GPC5: variants seen among roughly 807,000 people sequenced by gnomAD.
The protein encoded by GPC5 is glypican 5.
In GPC5, 47 loss-of-function variants were observed where a neutral mutation model predicts 53.9. The ratio of observed to expected loss-of-function variants is 0.87; its 90% CI spans 0.69 to 1.11. The LOEUF (loss-of-function observed/expected upper bound fraction) is 1.11, where lower values mean the gene tolerates loss of function less well. Among genes scored for constraint, GPC5 ranks in the 50% most tolerant of loss-of-function variants. The probability of loss-of-function intolerance (pLI) is 0.00; values close to 1 mark genes in which losing one functional copy is unlikely to be tolerated. For missense variants in GPC5, 748 were observed against 713.1 expected, an observed-to-expected ratio of 1.05 and a Z score of -0.56; for synonymous variants, 286 against 263.3, an observed-to-expected ratio of 1.09 and a Z score of -0.84.
intron 2 of GPC5, among the ~76,000 whole-genome samples, chr13:91,615,720 G>T (rs1216172198): frequency 6.6e-6 from 1 of 152,134 alleles, no homozygotes; most frequent in Non-Finnish European, 1.5e-5. Context: ...TAGGCACAGA[G>T]AATTTCCCAT....
intron 7 of GPC5, among the ~76,000 whole-genome samples, chr13:92,145,542 CTCA>C (rs923673682): frequency 2.2e-4 from 33 of 150,930 alleles, no homozygotes; most frequent in African/African-American, 7.3e-4. Context: ...CATTTCAGAA[CTCA>C]TCGCTACCAC....
chr13:91,616,276 T>A (rs1201178663), intron 2 of GPC5, among the ~76,000 whole-genome samples: 1 of 152,062 alleles, frequency 6.6e-6, no homozygotes, highest in Non-Finnish European at 1.5e-5. Flanking sequence ...AACAGATCTC[T>A]TATGAACTAT....
chr13:91,878,515 C>T (rs368916758), intron 5 of GPC5, among the ~76,000 whole-genome samples: 3 of 152,048 alleles, frequency 2.0e-5, no homozygotes, highest in Non-Finnish European at 1.5e-5. Flanking sequence ...GGTTTGGCTG[C>T]GTCTCCCACC....
chr13:92,240,788 G>A (rs1425346497), intron 7 of GPC5: 1 of 152,174 alleles, frequency 6.6e-6, no homozygotes, highest in Admixed American at 6.6e-5. Flanking sequence ...ACAGATGTGA[G>A]TCACCATGCC....
At chr13:91,422,128 C>T (rs148557058) in intron 1 of GPC5, among the ~76,000 whole-genome samples, 141 of 152,310 alleles carry the variant, frequency 9.3e-4, no homozygotes, top group African/African-American at 3.3e-3. Context: ...CTTTCTAGGC[C>T]TAGAAGCTGA....
chr13:92,537,541 T>C (rs1009161518), intron 7 of GPC5, among the ~76,000 whole-genome samples: 1 of 152,154 alleles, frequency 6.6e-6, no homozygotes, highest in African/African-American at 2.4e-5. Flanking sequence ...TATGTTCATG[T>C]CACTAGCTTC....
intron 7 of GPC5, among the ~76,000 whole-genome samples, chr13:92,348,016 TAAAA>T (rs554346564): frequency 2.2e-5 from 2 of 91,502 alleles, no homozygotes; most frequent in East Asian, 5.5e-4. Flanking sequence ...TACCACTTCT[TAAAA>T]AAAAAAAAAT....
At chr13:91,490,416 C>G (rs1883878368) in intron 2 of GPC5, among the ~76,000 whole-genome samples, 1 of 152,094 alleles carries the variant, frequency 6.6e-6, no homozygotes, top group Non-Finnish European at 1.5e-5. Flanking sequence ...GTTAAATAGA[C>G]AGATGGTAGA....
At chr13:92,207,641 T>C (rs2042346989) in intron 7 of GPC5, among the ~76,000 whole-genome samples, 1 of 152,228 alleles carries the variant, frequency 6.6e-6, no homozygotes, top group African/African-American at 2.4e-5. Context: ...TAGAGACATA[T>C]AATCCAGCCC....
rs375958506 is a variant in GPC5, at chr13:92,250,464, G to T, written c.1561+105475G>T. On this transcript the variant is annotated intron_variant, in intron 7 of 7. Coordinates refer to ENST00000377067, the MANE Select transcript of GPC5 (RefSeq NM_004466.6). ...GCATACAGTGCTCTTTTCACCATGT[G>T]TTTGAGTTGAGCAGAGTTCATGTAC... Among the ~76,000 whole-genome samples the T allele has an allele frequency of 1.7e-4, 26 of 152,212 alleles. 3 individuals carry two copies. Among genetic ancestry groups the T allele is most frequent in the African/African-American group, 6.0e-4 (25 of 41,562 alleles).
chr13:92,380,035 T>G (rs1057001785), intron 7 of GPC5, among the ~76,000 whole-genome samples: 12 of 152,338 alleles, frequency 7.9e-5, no homozygotes, highest in African/African-American at 2.6e-4. Flanking sequence ...AAACCACAAT[T>G]ACTTTTATGC....
intron 2 of GPC5, among the ~76,000 whole-genome samples, chr13:91,502,739 CA>C (rs1283324777): frequency 6.6e-6 from 1 of 152,212 alleles, no homozygotes; most frequent in South Asian, 2.1e-4. Flanking sequence ...TATAGCATGG[CA>C]GGTAATGTGC....
intron 2 of GPC5, among the ~76,000 whole-genome samples, chr13:91,527,147 C>T (rs1886124249): frequency 6.6e-6 from 1 of 152,126 alleles, no homozygotes; most frequent in African/African-American, 2.4e-5. Context: ...TAACTTATTC[C>T]AGCATTAACT....
intron 7 of GPC5, among the ~76,000 whole-genome samples, chr13:92,550,454 A>T (rs1021466375): frequency 1.3e-5 from 2 of 151,934 alleles, no homozygotes; most frequent in South Asian, 2.1e-4. Context: ...GTGAGACTAT[A>T]AATTAATTTT....
At chr13:91,861,868 A>G (rs2039033516) in intron 5 of GPC5, among the ~76,000 whole-genome samples, 2 of 151,214 alleles carry the variant, frequency 1.3e-5, no homozygotes, top group Admixed American at 6.6e-5. Flanking sequence ...GTAATTATCA[A>G]TTTATAGTTA....
At position 92,251,685 on chromosome 13, in the gene GPC5, G is replaced by A. The variant is rs185859574; in HGVS notation, c.1561+106696G>A. Among the ~76,000 whole-genome samples the A allele has an allele frequency of 3.3e-3, 504 of 152,224 alleles. 5 individuals are homozygous for A. The highest frequency in any genetic ancestry group is 0.012 in the African/African-American group (478 of 41,558). On this transcript the variant is annotated intron_variant, in intron 7 of 7. Coordinates refer to ENST00000377067, the MANE Select transcript of GPC5 (RefSeq NM_004466.6). The stretch of plus-strand genomic sequence containing the variant: ...GCCTAGCACATACAAGACCCTGAAT[G>A]ACAATGTCTTTTTCCTTTTAAACTG...
At chr13:92,770,063 C>G (rs1875553257) in intron 7 of GPC5, among the ~76,000 whole-genome samples, 1 of 152,034 alleles carries the variant, frequency 6.6e-6, no homozygotes, top group Admixed American at 6.6e-5. Flanking sequence ...CTATAGTCAG[C>G]ACTGTTCCCC....
At chr13:92,545,971 T>C (rs1882095520) in intron 7 of GPC5, among the ~76,000 whole-genome samples, 1 of 152,172 alleles carries the variant, frequency 6.6e-6, no homozygotes, top group African/African-American at 2.4e-5. Context: ...TTGCTTTCGG[T>C]GTTTTAGACA....
rs576022739 is a variant in GPC5, at chr13:92,105,754, A to G, written c.1402-39076A>G. Among the ~76,000 whole-genome samples, 9 of 152,160 alleles carry G rather than the reference A, an allele frequency of 5.9e-5. 1 individual carries two copies. The South Asian group carries it at 1.9e-3, about 31-fold the overall frequency. ...AATCTTAATTGCTCAACATATATTT[A>G]CAAATACATTTTTTGTGCATATTTG... On this transcript the variant is annotated intron_variant, in intron 6 of 7. Transcript: ENST00000377067.
Sources: gnomAD v4.1 joint callset for allele counts (sites outside exome capture counted in the v4.1 genomes callset) on GRCh38, gnomAD v4.1.1 for gene constraint, MANE v1.5 for transcripts, NCBI Gene and HGNC (gene_info 2026-07-23, HGNC 2026-07-21) for gene names.